GRIK3: variants seen among roughly 807,000 people sequenced by gnomAD.
The protein encoded by GRIK3 is glutamate ionotropic receptor kainate type subunit 3, also known as glutamate receptor ionotropic, kainate 3.
In GRIK3, 29 loss-of-function variants were observed where a neutral mutation model predicts 102.5. The observed-to-expected ratio is 0.28, with a 90% CI of 0.21 to 0.39. The LOEUF (loss-of-function observed/expected upper bound fraction) is 0.39. Ranked by LOEUF, GRIK3 falls within the 10% of genes least tolerant of loss-of-function variation. GRIK3 has a pLI of 1.00. For missense variants in GRIK3, 908 were observed against 1,252.4 expected, an observed-to-expected ratio of 0.73 and a Z score of 4.15; for synonymous variants, 511 against 504.9, an observed-to-expected ratio of 1.01 and a Z score of -0.16.
chr1:36,933,017 A>G (rs150035197), intron 1 of GRIK3, among the ~76,000 whole-genome samples: 373 of 152,350 alleles, frequency 2.4e-3, no homozygotes, highest in Middle Eastern at 0.017. Flanking sequence ...ACAATTGCCC[A>G]ATATGTAGAA....
intron 1 of GRIK3, among the ~76,000 whole-genome samples, chr1:36,954,892 T>A (rs533376578): frequency 7.2e-5 from 11 of 152,276 alleles, no homozygotes; most frequent in African/African-American, 2.4e-4. Context: ...CAGGGACACA[T>A]GCCTGTGTGT....
intron 1 of GRIK3, among the ~76,000 whole-genome samples, chr1:36,912,435 C>G (rs867519228): frequency 1.6e-4 from 25 of 152,062 alleles, no homozygotes; most frequent in African/African-American, 5.6e-4. Context: ...CCCTCCTCCC[C>G]CCTCTGCTGC....
intron 2 of GRIK3, among the ~76,000 whole-genome samples, chr1:36,887,279 C>A (rs531162391): frequency 2.6e-5 from 4 of 152,268 alleles, no homozygotes; most frequent in African/African-American, 4.8e-5. Context: ...TTAGGTTAGA[C>A]AAAGACTTCT....
chr1:36,819,884 T>C lies in GRIK3; in HGVS notation c.1755-30A>G. 1 of 1,254,438 alleles carries C rather than the reference T, an allele frequency of 8.0e-7. No individual in the cohort carries two copies. The highest frequency in any genetic ancestry group is 1.3e-5 in the South Asian group (1 of 79,696). The allele number at this position is 1,254,438 out of a possible 1,614,324, so 77.7% of individuals were successfully genotyped here. A position where few individuals can be genotyped will look rare whatever the true frequency, so the allele number is the denominator to read the frequency against. ...CACAGGAGGAGAGGGACAGTCAGCC[T>C]GGGAAGCAAGGGGCATCCACGCCCC... On this transcript the variant is annotated intron_variant, in intron 11 of 15. Transcript: ENST00000373091. The surrounding 1 kb of genome is among the most constrained non-coding windows in gnomAD (Gnocchi z 4.1).
At chr1:36,870,113 C>T (rs541487475) in intron 4 of GRIK3, among the ~76,000 whole-genome samples, 10 of 152,316 alleles carry the variant, frequency 6.6e-5, no homozygotes, top group Non-Finnish European at 1.0e-4. Flanking sequence ...AAGCGTCTCC[C>T]GGCCTGCCAC....
Position 36,805,182 on chromosome 1 carries a change from G to A in GRIK3, c.2370C>T (p.Asp790=), listed in dbSNP as rs148254259. The change falls in exon 15 of 16, where the codon GAC becomes GAT. Residue 790 remains aspartate (D), a synonymous_variant. Transcript: ENST00000373091. ...ACTTCTCCTTCATGATATGCAGCTT[G>A]TCCTCCTCCTGAAGCTGCAGGATGG... ...TIAILQLQEE[D]KLHIMKEKWW... is the part of the protein sequence containing the mutation. 2.1e-4 allele frequency: 337 copies of A among 1,613,954 alleles called. No individual in the cohort carries two copies. Among genetic ancestry groups the A allele is most frequent in the Non-Finnish European group, 2.7e-4 (323 of 1,179,966 alleles).
chr1:36,973,526 T>C (rs1039037796), intron 1 of GRIK3, among the ~76,000 whole-genome samples: 3 of 150,856 alleles, frequency 2.0e-5, no homozygotes, highest in African/African-American at 7.3e-5. Context: ...TTCAAGCAAT[T>C]CTCCTGTCTC....
intron 1 of GRIK3, among the ~76,000 whole-genome samples, chr1:36,958,217 CG>C (rs201744995): frequency 1.9e-5 from 2 of 104,192 alleles, no homozygotes; most frequent in Admixed American, 1.0e-4. Flanking sequence ...GTCTGTGCCC[CG>C]TGAGCCTGTG....
rs140952132 is a variant in GRIK3 at position 36,825,480 on chromosome 1, G to A, written c.1754+123C>T. The A allele has an allele frequency of 4.9e-5, 28 of 573,712 alleles. No individual in the cohort carries two copies. In the East Asian group the frequency reaches 8.7e-4, roughly 18 times the overall value. The allele number at this position is 573,712 out of a possible 1,614,324, so 35.5% of individuals were successfully genotyped here. On this transcript the variant is annotated intron_variant, in intron 11 of 15. Coordinates refer to ENST00000373091, the MANE Select transcript of GRIK3 (RefSeq NM_000831.4). ...AATCTGAGCCATAGGGAGTGGAAGA[G>A]GAGTGGGTACAGCAGTGGCCTGAGC...
chr1:36,955,934 G>A (rs1641900432), intron 1 of GRIK3, among the ~76,000 whole-genome samples: 1 of 152,266 alleles, frequency 6.6e-6, no homozygotes, highest in South Asian at 2.1e-4. Context: ...CTTAACAAAG[G>A]CTCGGCATCA....
chr1:36,836,769 T>G (rs1268900567), intron 10 of GRIK3, among the ~76,000 whole-genome samples: 1 of 152,090 alleles, frequency 6.6e-6, no homozygotes, highest in African/African-American at 2.4e-5. Flanking sequence ...CTGCAGAGAT[T>G]TTATGCATCC....
At chr1:36,922,480 C>G (rs897627852) in intron 1 of GRIK3, among the ~76,000 whole-genome samples, 15 of 152,174 alleles carry the variant, frequency 9.9e-5, no homozygotes, top group African/African-American at 3.6e-4. Flanking sequence ...AATGCCTGGC[C>G]ATACAGGGGG....
intron 1 of GRIK3, among the ~76,000 whole-genome samples, chr1:37,002,373 T>A (rs1036087837): frequency 2.0e-5 from 3 of 152,176 alleles, no homozygotes; most frequent in African/African-American, 7.2e-5. Context: ...TGGGGATGGC[T>A]GCCTTAACCA....
rs374204231 is a variant in GRIK3 at position 36,800,447 on chromosome 1, G to A, written c.*1404C>T. On this transcript the variant is annotated 3_prime_UTR_variant, in exon 16 of 16. Transcript: ENST00000373091. ...TCATCACAGCAAGCTGGAACTCATA[G>A]GTCCACCCCCTGGCTGGTACCCAAC... 1.3e-5 allele frequency: 2 copies of A among 152,358 alleles called. No homozygotes were observed. Among genetic ancestry groups the A allele is most frequent in the Non-Finnish European group, 1.5e-5 (1 of 68,078 alleles). The allele number at this position is 152,358 out of a possible 1,614,324, so 9.4% of individuals were successfully genotyped here.
chr1:36,928,825 G>C (rs1406686793), intron 1 of GRIK3, among the ~76,000 whole-genome samples: 1 of 152,188 alleles, frequency 6.6e-6, no homozygotes, highest in Non-Finnish European at 1.5e-5. Flanking sequence ...CTCAGATGGA[G>C]GTAAGATCAG....
chr1:36,890,516 T>A (rs563975374), intron 2 of GRIK3, among the ~76,000 whole-genome samples: 1 of 151,434 alleles, frequency 6.6e-6, no homozygotes, highest in African/African-American at 2.4e-5. Flanking sequence ...GGACTCTGAC[T>A]GCCAGAATAC....
intron 12 of GRIK3, among the ~76,000 whole-genome samples, chr1:36,818,528 T>C (rs987437139): frequency 6.6e-6 from 1 of 152,222 alleles, no homozygotes; most frequent in Non-Finnish European, 1.5e-5. Context: ...TTGAGTCACT[T>C]GATTGCTGAG....
chr1:36,811,444 G>T (rs188434420), intron 13 of GRIK3, among the ~76,000 whole-genome samples: 6 of 152,246 alleles, frequency 3.9e-5, no homozygotes, highest in Admixed American at 3.9e-4. Context: ...ATAAATAAGC[G>T]ATGTGTGGCC....
chr1:37,014,049 T>C (rs1028670678), intron 1 of GRIK3, among the ~76,000 whole-genome samples: 1 of 152,258 alleles, frequency 6.6e-6, no homozygotes, highest in African/African-American at 2.4e-5. Context: ...GGAGTGCTCC[T>C]GCATTCTTCA....
Sources: gnomAD v4.1 joint callset for allele counts (sites outside exome capture counted in the v4.1 genomes callset) on GRCh38, gnomAD v4.1.1 for gene constraint, Gnocchi (gnomAD v3.1) non-coding constraint, MANE v1.5 for transcripts, NCBI Gene and HGNC (gene_info 2026-07-23, HGNC 2026-07-21) for gene names.